Variants in CEP112 observed in about 807,000 individuals in gnomAD.
CEP112 encodes the protein centrosomal protein 112.
CEP112 carries 127 observed loss-of-function variants against 153.0 expected under a neutral mutation model. The ratio of observed to expected loss-of-function variants is 0.83; its 90% confidence interval spans 0.72 to 0.96. The LOEUF (loss-of-function observed/expected upper bound fraction) is 0.96, where lower values mean the gene tolerates loss of function less well. Among genes scored for constraint, CEP112 ranks in the 40% least tolerant of loss-of-function variants. The pLI is 0.00. For synonymous variants in CEP112, 358 were observed against 374.4 expected (o/e 0.96, Z 0.51); for missense variants, 1,089 against 1,101.2 (o/e 0.99, Z 0.16).
At chr17:65,987,825 C>T (rs2063463284) in intron 17 of CEP112, among the ~76,000 whole-genome samples, 1 of 152,244 alleles carries the variant, frequency 6.6e-6, no homozygotes, top group African/African-American at 2.4e-5. Flanking sequence ...TTCCCCTCGA[C>T]CCAGAGTTTC....
rs545784509 is a variant in CEP112 at position 65,997,728 on chromosome 17, T to A, written c.1736+7962A>T. ...GCTATAAAACATACATATATATGTA[T>A]GTTTTTATATAAATATAATGTCTAG... is the stretch of plus-strand genomic sequence containing the variant. On this transcript the variant is annotated intron_variant, in intron 17 of 26. Transcript: ENST00000535342. 7.9e-5 allele frequency among the ~76,000 whole-genome samples: 12 copies of A among 152,194 alleles called. No homozygotes were observed. The South Asian group carries it at 2.5e-3, about 32-fold the overall frequency.
intron 23 of CEP112, among the ~76,000 whole-genome samples, chr17:65,706,337 G>A (rs1450397265): frequency 6.6e-6 from 1 of 152,186 alleles, no homozygotes; most frequent in African/African-American, 2.4e-5. Context: ...AAATGGGGGT[G>A]TGCTCAGGAC....
At chr17:65,713,175 A>C (rs1051465759) in intron 23 of CEP112, among the ~76,000 whole-genome samples, 1 of 152,306 alleles carries the variant, frequency 6.6e-6, no homozygotes, top group Admixed American at 6.5e-5. Flanking sequence ...ATGGAAATGC[A>C]TAATATGTGA....
chr17:65,847,599 G>T (rs376112937), intron 21 of CEP112, among the ~76,000 whole-genome samples: 2 of 152,142 alleles, frequency 1.3e-5, no homozygotes, highest in African/African-American at 4.8e-5. Flanking sequence ...TGTCATACCC[G>T]GAGGGCACCT....
intron 24 of CEP112, among the ~76,000 whole-genome samples, chr17:65,663,300 A>G (rs1370694443): frequency 6.6e-6 from 1 of 152,190 alleles, no homozygotes. Flanking sequence ...TGGAAATAAA[A>G]GGGTTGTTGT....
intron 23 of CEP112, among the ~76,000 whole-genome samples, chr17:65,705,775 C>T (rs186040963): frequency 1.3e-5 from 2 of 152,230 alleles, no homozygotes; most frequent in East Asian, 3.9e-4. Context: ...ATGTTTGGAT[C>T]CTGATTCAGA....
chr17:65,707,312 C>T (rs183000378), intron 23 of CEP112, among the ~76,000 whole-genome samples: 3 of 152,102 alleles, frequency 2.0e-5, no homozygotes, highest in African/African-American at 7.2e-5. Context: ...CATGCATAAC[C>T]TACCCACTTC....
chr17:65,743,597 A>G (rs1598445159), intron 22 of CEP112, among the ~76,000 whole-genome samples: 1 of 152,218 alleles, frequency 6.6e-6, no homozygotes, highest in East Asian at 1.9e-4. Context: ...TTTGAACTGT[A>G]ATAACCAAAG....
chr17:66,108,241 A>G (rs576278177), intron 6 of CEP112, among the ~76,000 whole-genome samples: 1 of 152,300 alleles, frequency 6.6e-6, no homozygotes, highest in East Asian at 1.9e-4. Context: ...TGGAGTGGGC[A>G]AAGATTTCTT....
intron 8 of CEP112, 28 bp from the exon 9 acceptor site, chr17:66,070,029 A>T: frequency 7.2e-7 from 1 of 1,380,930 alleles, no homozygotes; most frequent in Non-Finnish European, 1.0e-6. Context: ...CAAGGGTGTT[A>T]TTAATTTACT....
chr17:65,823,113 T>C (rs2056671472), intron 21 of CEP112, among the ~76,000 whole-genome samples: 1 of 152,086 alleles, frequency 6.6e-6, no homozygotes, highest in Admixed American at 6.5e-5. Context: ...CTCAATTTCA[T>C]TAAGATTTCA....
chr17:66,014,338 C>T (rs746738093), intron 16 of CEP112, among the ~76,000 whole-genome samples: 1 of 152,154 alleles, frequency 6.6e-6, no homozygotes, highest in Non-Finnish European at 1.5e-5. Context: ...TCTGAGTCTG[C>T]ACTGTAAGCA....
chr17:65,656,918 ACT>A (rs1489596060), intron 24 of CEP112, among the ~76,000 whole-genome samples: 2 of 152,140 alleles, frequency 1.3e-5, no homozygotes, highest in Non-Finnish European at 2.9e-5. Flanking sequence ...TCTACAGTAA[ACT>A]CATCACACAT....
chr17:65,969,712 AT>A (rs1359234858), intron 17 of CEP112, among the ~76,000 whole-genome samples: 1 of 152,244 alleles, frequency 6.6e-6, no homozygotes, highest in African/African-American at 2.4e-5. Flanking sequence ...GCATACAGGA[AT>A]ATCACATAAA....
chr17:66,177,963 T>C (rs1313678447), intron 2 of CEP112, among the ~76,000 whole-genome samples: 2 of 152,198 alleles, frequency 1.3e-5, no homozygotes, highest in African/African-American at 2.4e-5. Context: ...CATTTGTCTG[T>C]TGATGGACAC....
chr17:65,636,015 A>G (rs1842928478), intron 26 of CEP112, 41 bp from the exon 27 acceptor site: 3 of 1,583,514 alleles, frequency 1.9e-6, no homozygotes, highest in African/African-American at 2.7e-5. Flanking sequence ...CTCTAGGTTT[A>G]ACAGGTATGT....
At chr17:65,915,787 C>CAAAAAA (rs755351021) in intron 19 of CEP112, among the ~76,000 whole-genome samples, 13 of 56,536 alleles carry the variant, frequency 2.3e-4, no homozygotes, top group South Asian at 6.7e-4. Flanking sequence ...GACTCAAACT[C>CAAAAAA]AAAAAAAAAA....
At chr17:65,932,132 A>T (rs1314047201) in intron 18 of CEP112, among the ~76,000 whole-genome samples, 3 of 152,204 alleles carry the variant, frequency 2.0e-5, no homozygotes, top group African/African-American at 7.2e-5. Flanking sequence ...CACAACCAGG[A>T]GCCACACCTG....
chr17:66,058,744 C>G (rs566559631), intron 11 of CEP112, among the ~76,000 whole-genome samples: 1 of 151,910 alleles, frequency 6.6e-6, no homozygotes, highest in African/African-American at 2.4e-5. Flanking sequence ...CCCAGCTACT[C>G]AGGAGACTGA....
Sources: allele counts gnomAD v4.1 joint callset (sites outside exome capture counted in the v4.1 genomes callset), GRCh38; gene constraint gnomAD v4.1.1; transcripts MANE v1.5; gene names NCBI Gene and HGNC (gene_info 2026-07-23, HGNC 2026-07-21).